ZNF566: variants seen among roughly 807,000 people sequenced by gnomAD.
ZNF566 encodes zinc finger protein 566.
In ZNF566, 27 loss-of-function variants were observed where a neutral mutation model predicts 32.8. That is an observed-to-expected ratio of 0.82 (90% CI 0.61 to 1.14). The LOEUF (loss-of-function observed/expected upper bound fraction) is 1.14, where lower values mean the gene tolerates loss of function less well. ZNF566 is among the 50% of genes most tolerant of loss of function. ZNF566 has a pLI of 0.00. For missense variants in ZNF566, 402 were observed against 490.4 expected (o/e 0.82, Z 1.70); for synonymous variants, 154 against 159.5 (o/e 0.97, Z 0.26).
chr19:36,486,862 A>C (rs2034175060), intron 1 of ZNF566, among the ~76,000 whole-genome samples: 1 of 151,672 alleles, frequency 6.6e-6, no homozygotes, highest in South Asian at 2.1e-4. Flanking sequence ...GCTCACACTT[A>C]TAATCCCAGG....
chr19:36,486,392 C>T (rs576423866), intron 1 of ZNF566, among the ~76,000 whole-genome samples: 3 of 152,108 alleles, frequency 2.0e-5, no homozygotes, highest in Admixed American at 6.5e-5. Flanking sequence ...AAATTTTAGG[C>T]CAGGCATAGT....
At position 36,477,533 on chromosome 19, in the gene ZNF566, T is replaced by G. The variant is rs573546850; in HGVS notation, c.-59-917A>C. 5.7e-4 allele frequency among the ~76,000 whole-genome samples: 61 copies of G among 106,124 alleles called. 1 individual carries two copies. Among genetic ancestry groups the G allele is most frequent in the East Asian group, 2.3e-3 (11 of 4,688 alleles). The allele number at this position is 106,124 out of a possible 152,430, so 69.6% of individuals were successfully genotyped here. On this transcript the variant is annotated intron_variant, in intron 1 of 4. Transcript: ENST00000452939. ...AACCAGTTTTCTGTTTCTGTTTTTT[T>G]TTTGTTTGTTTGTTTGTTTTTTTGA...
At chr19:36,458,392 G>A (rs2033372812) in intron 4 of ZNF566, among the ~76,000 whole-genome samples, 1 of 152,110 alleles carries the variant, frequency 6.6e-6, no homozygotes, top group Non-Finnish European at 1.5e-5. Context: ...TGTGAAATAA[G>A]CCAGGCACAG....
Position 36,449,801 on chromosome 19 carries a change from T to A in ZNF566, c.433A>T (p.Thr145Ser), listed in dbSNP as rs775324282. The change falls in exon 5 of 5, where the codon ACT becomes TCT. Residue 145 changes from threonine (T) to serine (S), a missense_variant. Transcript: ENST00000452939. ...QGGHFNQLVF[T>S]HEDLPTLSHH... ...CTCAAAGTGGGCAGATCTTCATGAG[T>A]GAATACCAATTGATTGAAATGTCCC... is the stretch of plus-strand genomic sequence containing the variant. The A allele has an allele frequency of 6.2e-7, 1 of 1,613,996 alleles. No individual in the cohort carries two copies. The highest frequency in any genetic ancestry group is 8.5e-7 in the Non-Finnish European group (1 of 1,180,026).
chr19:36,458,459 T>C (rs1167896147), intron 4 of ZNF566, among the ~76,000 whole-genome samples: 3 of 152,106 alleles, frequency 2.0e-5, no homozygotes, highest in South Asian at 2.1e-4. Context: ...GTTGAACTCA[T>C]AGAAGAAGAG....
intron 4 of ZNF566, among the ~76,000 whole-genome samples, chr19:36,464,526 G>A (rs992929978): frequency 2.6e-5 from 4 of 152,086 alleles, no homozygotes. Context: ...AATTAAAGTT[G>A]CATTAATAGG....
chr19:36,460,845 T>C lies in ZNF566; in HGVS notation c.233-10844A>G, dbSNP rs79082072. Among the ~76,000 whole-genome samples the C allele has an allele frequency of 1.1e-3, 169 of 152,222 alleles. 3 individuals are homozygous for C. The East Asian group carries it at 0.02, about 18-fold the overall frequency. Reference sequence around the variant, plus strand: ...ATATATATTACTTCTGGGTGAACAATGATTTGAATGACTGGATTGCTCTTC... The same window carrying C: ...ATATATATTACTTCTGGGTGAACAACGATTTGAATGACTGGATTGCTCTTC... On this transcript the variant is annotated intron_variant, in intron 4 of 4. Coordinates refer to ENST00000452939, the MANE Select transcript of ZNF566 (RefSeq NM_001145344.1).
chr19:36,445,923 T>C lies in ZNF566; in HGVS notation c.*3054A>G. The stretch of plus-strand genomic sequence containing the variant: ...TGTTTGTTGCAGCATTACTTTTAGA[T>C]GGCAAAAAAGCGCAAACAATCCATA... On this transcript the variant is annotated 3_prime_UTR_variant, in exon 5 of 5. Transcript: ENST00000452939. The C allele has an allele frequency of 6.6e-6, 1 of 152,130 alleles. No homozygotes were observed. The highest frequency in any genetic ancestry group is 1.5e-5 in the Non-Finnish European group (1 of 68,012). The allele number at this position is 152,130 out of a possible 1,614,324, so 9.4% of individuals were successfully genotyped here.
At chr19:36,462,527 A>G (rs972279861) in intron 4 of ZNF566, among the ~76,000 whole-genome samples, 1 of 152,026 alleles carries the variant, frequency 6.6e-6, no homozygotes, top group African/African-American at 2.4e-5. Flanking sequence ...ACAGGAAAAG[A>G]AGGTTCCTAT....
intron 2 of ZNF566, among the ~76,000 whole-genome samples, chr19:36,475,688 T>C (rs903832219): frequency 7.2e-5 from 11 of 152,090 alleles, no homozygotes; most frequent in African/African-American, 2.7e-4. Context: ...TAAACCAGCA[T>C]GTAAACATTG....
intron 4 of ZNF566, among the ~76,000 whole-genome samples, chr19:36,472,708 T>G (rs947510623): frequency 6.6e-6 from 1 of 152,110 alleles, no homozygotes; most frequent in Non-Finnish European, 1.5e-5. Flanking sequence ...TGGTTAGAAC[T>G]GAGAGAGAAG....
At chr19:36,488,888 G>A (rs767167421) in intron 1 of ZNF566, among the ~76,000 whole-genome samples, 4 of 152,072 alleles carry the variant, frequency 2.6e-5, no homozygotes, top group African/African-American at 9.7e-5. Flanking sequence ...ACACAAACCT[G>A]ATCACACTCC....
intron 4 of ZNF566, among the ~76,000 whole-genome samples, chr19:36,457,537 A>G (rs771788920): frequency 1.3e-5 from 2 of 152,202 alleles, no homozygotes; most frequent in Non-Finnish European, 2.9e-5. Flanking sequence ...GCCAATAGGT[A>G]TATGAAAAAA....
At chr19:36,465,343 C>A (rs950047137) in intron 4 of ZNF566, among the ~76,000 whole-genome samples, 1 of 152,168 alleles carries the variant, frequency 6.6e-6, no homozygotes, top group African/African-American at 2.4e-5. Flanking sequence ...AGTACGTACA[C>A]CAAGATCCTG....
intron 1 of ZNF566, among the ~76,000 whole-genome samples, chr19:36,483,087 A>C (rs2034074837): frequency 6.6e-6 from 1 of 152,218 alleles, no homozygotes; most frequent in Non-Finnish European, 1.5e-5. Context: ...CCTTTGTCTC[A>C]GACTCAGAAG....
Position 36,446,241 on chromosome 19 carries a change from G to C in ZNF566, c.*2736C>G, listed in dbSNP as rs193263297. 6.6e-6 allele frequency: 1 copy of C among 150,992 alleles called. No homozygotes were observed. Among genetic ancestry groups the C allele is most frequent in the East Asian group, 1.9e-4 (1 of 5,158 alleles). The allele number at this position is 150,992 out of a possible 1,614,324, so 9.4% of individuals were successfully genotyped here. A position where few individuals can be genotyped will look rare whatever the true frequency, so the allele number is the denominator to read the frequency against. On this transcript the variant is annotated 3_prime_UTR_variant, in exon 5 of 5. Transcript: ENST00000452939. ...CAGAGGGGAGGGAATGAGGAACGGA[G>C]AAGGGCAAAGATAATCATTTTTTCT... is the stretch of plus-strand genomic sequence containing the variant.
rs1162999935 is a variant in ZNF566 at position 36,448,398 on chromosome 19, C to T, written c.*579G>A. ...AAACACCATGAAGATAATGAAGAAT[C>T]TCTATTGAGTAAAATGTCGTTCATG... On this transcript the variant is annotated 3_prime_UTR_variant, in exon 5 of 5. Coordinates refer to ENST00000452939, the MANE Select transcript of ZNF566 (RefSeq NM_001145344.1). 1 of 152,066 alleles carries T rather than the reference C, an allele frequency of 6.6e-6. No individual in the cohort carries two copies. The highest frequency in any genetic ancestry group is 1.5e-5 in the Non-Finnish European group (1 of 67,988). The allele number at this position is 152,066 out of a possible 1,614,324, so 9.4% of individuals were successfully genotyped here.
intron 1 of ZNF566, among the ~76,000 whole-genome samples, chr19:36,480,884 A>G (rs2034011835): frequency 6.6e-6 from 1 of 151,614 alleles, no homozygotes; most frequent in Admixed American, 6.6e-5. Context: ...TACTAAAAAT[A>G]CAAAAAAAAT....
chr19:36,456,045 G>GA (rs911976465), intron 4 of ZNF566, among the ~76,000 whole-genome samples: 137 of 138,216 alleles, frequency 9.9e-4, no homozygotes, highest in Non-Finnish European at 1.5e-3. Flanking sequence ...TCTCAAAAAA[G>GA]AAAAAAAAAA....
Sources: gnomAD v4.1 joint callset for allele counts (sites outside exome capture counted in the v4.1 genomes callset) on GRCh38, gnomAD v4.1.1 for gene constraint, MANE v1.5 for transcripts, NCBI Gene and HGNC (gene_info 2026-07-23, HGNC 2026-07-21) for gene names.